Variants in QTMAN observed in about 807,000 individuals in gnomAD.
QTMAN encodes tRNA-queuosine alpha-mannosyltransferase.
chr2:144,221,641 T>C, the QTMAN span, among the ~76,000 whole-genome samples: 177 of 152,338 alleles, frequency 1.2e-3, no homozygotes, highest in Non-Finnish European at 2.1e-3. Flanking sequence ...GCTACAACAT[T>C]TTTCTTAACT....
chr2:144,292,056 G>A, the QTMAN span, among the ~76,000 whole-genome samples: 8 of 152,288 alleles, frequency 5.3e-5, no homozygotes, highest in African/African-American at 1.9e-4. Flanking sequence ...GCTCCTCTGA[G>A]TGTTAGTTTT....
chr2:144,131,782 C>T, the QTMAN span, among the ~76,000 whole-genome samples: 1 of 151,858 alleles, frequency 6.6e-6, no homozygotes, highest in Non-Finnish European at 1.5e-5. Context: ...TAGAGTAAGA[C>T]AGTTTGGGTA....
chr2:144,182,680 T>A, the QTMAN span, among the ~76,000 whole-genome samples: 4 of 138,030 alleles, frequency 2.9e-5, no homozygotes, highest in Non-Finnish European at 6.2e-5. Flanking sequence ...ACCTTAAAAG[T>A]GCTGCAGGGC....
chr2:144,042,821 G>A, the QTMAN span, among the ~76,000 whole-genome samples: 1 of 151,616 alleles, frequency 6.6e-6, no homozygotes, highest in African/African-American at 2.4e-5. Context: ...GTTCATTTGT[G>A]GTCTTGTCCA....
the QTMAN span, among the ~76,000 whole-genome samples, chr2:144,003,007 C>T: frequency 3.9e-5 from 6 of 151,948 alleles, no homozygotes; most frequent in East Asian, 9.7e-4. Flanking sequence ...TGTAATGTTG[C>T]TATTCTCACT....
chr2:144,070,637 A>G, the QTMAN span, among the ~76,000 whole-genome samples: 10 of 152,216 alleles, frequency 6.6e-5, no homozygotes, highest in Non-Finnish European at 1.2e-4. Flanking sequence ...GTGTTAACAC[A>G]ATAGACCATC....
At chr2:144,104,831 G>A in the QTMAN span, among the ~76,000 whole-genome samples, 3 of 152,216 alleles carry the variant, frequency 2.0e-5, no homozygotes, top group Admixed American at 6.5e-5. Context: ...CCTGATCCCC[G>A]AGTAGCCTAA....
At chr2:144,049,819 T>C in the QTMAN span, among the ~76,000 whole-genome samples, 7 of 152,150 alleles carry the variant, frequency 4.6e-5, 1 homozygote, top group Admixed American at 3.9e-4. Context: ...TTCTTAGATT[T>C]GGAATGTCTG....
chr2:144,128,408 A>G, the QTMAN span: 1 of 152,214 alleles, frequency 6.6e-6, no homozygotes, highest in African/African-American at 2.4e-5. Flanking sequence ...GATCAGAGAA[A>G]TAAAATTATT....
the QTMAN span, among the ~76,000 whole-genome samples, chr2:144,328,711 T>C: frequency 3.0e-4 from 46 of 152,256 alleles, no homozygotes; most frequent in Middle Eastern, 0.01. Flanking sequence ...TTGCTTCCTA[T>C]AAATTAAACA....
At chr2:144,218,630 T>A in the QTMAN span, among the ~76,000 whole-genome samples, 4 of 152,220 alleles carry the variant, frequency 2.6e-5, no homozygotes, top group Non-Finnish European at 5.9e-5. Context: ...TTAATCCATA[T>A]TAACTACAAA....
chr2:144,282,028 ACT>A, the QTMAN span, among the ~76,000 whole-genome samples: 1 of 152,072 alleles, frequency 6.6e-6, no homozygotes, highest in Non-Finnish European at 1.5e-5. Flanking sequence ...GCTGGTCCTT[ACT>A]CTGAGTTTCT....
the QTMAN span, among the ~76,000 whole-genome samples, chr2:144,037,872 A>G: frequency 1.3e-5 from 2 of 152,210 alleles, no homozygotes; most frequent in Non-Finnish European, 2.9e-5. Context: ...TCTTTTTGCA[A>G]TATAGCATTT....
the QTMAN span, among the ~76,000 whole-genome samples, chr2:144,250,123 GTT>G: frequency 2.2e-5 from 3 of 133,978 alleles, no homozygotes; most frequent in African/African-American, 5.9e-5. Context: ...TGGTTTTTGT[GTT>G]TTTTTTTTTT....
At chr2:144,330,319 C>T in the QTMAN span, among the ~76,000 whole-genome samples, 1 of 152,176 alleles carries the variant, frequency 6.6e-6, no homozygotes, top group South Asian at 2.1e-4. Flanking sequence ...AAGCTATATA[C>T]CATATAGCCT....
At chr2:144,217,191 A>G in the QTMAN span, among the ~76,000 whole-genome samples, 1 of 152,198 alleles carries the variant, frequency 6.6e-6, no homozygotes, top group East Asian at 1.9e-4. Context: ...TAATAGGTGC[A>G]AGGAGTGCTG....
At chr2:144,281,235 C>G in the QTMAN span, among the ~76,000 whole-genome samples, 1 of 151,844 alleles carries the variant, frequency 6.6e-6, no homozygotes, top group Non-Finnish European at 1.5e-5. Flanking sequence ...ATTCTCTTCA[C>G]TTCCAAATTG....
the QTMAN span, among the ~76,000 whole-genome samples, chr2:143,968,885 T>C: frequency 6.6e-6 from 1 of 152,042 alleles, no homozygotes; most frequent in African/African-American, 2.4e-5. Flanking sequence ...TACCAGAGGG[T>C]CTTACTGTGA....
At chr2:144,032,248 C>G in the QTMAN span, among the ~76,000 whole-genome samples, 2 of 152,172 alleles carry the variant, frequency 1.3e-5, no homozygotes, top group Non-Finnish European at 2.9e-5. Context: ...CCCCAAGCCT[C>G]AGTTTCCTCA....
Sources: gnomAD v4.1 joint callset for allele counts (sites outside exome capture counted in the v4.1 genomes callset) on GRCh38, gnomAD v4.1.1 for gene constraint, MANE v1.5 for transcripts, NCBI Gene and HGNC (gene_info 2026-07-23, HGNC 2026-07-21) for gene names.